TYW1B: variants seen among roughly 807,000 people sequenced by gnomAD.
The protein encoded by TYW1B is S-adenosyl-L-methionine-dependent tRNA 4-demethylwyosine synthase TYW1B.
A neutral mutation model predicts 86.9 loss-of-function variants in TYW1B; 73 were observed. The observed-to-expected ratio is 0.84, with a 90% confidence interval of 0.70 to 1.02. The LOEUF is 1.02. Ranked by LOEUF, TYW1B falls within the 50% of genes least tolerant of loss-of-function variation. The pLI is 0.00. For synonymous variants in TYW1B, 248 were observed against 292.8 expected (o/e 0.85, Z 1.56); for missense variants, 637 against 827.4 (o/e 0.77, Z 2.82).
At chr7:72,618,212 G>A (rs1287113186) in intron 12 of TYW1B, among the ~76,000 whole-genome samples, 2 of 146,748 alleles carry the variant, frequency 1.4e-5, no homozygotes, top group Non-Finnish European at 3.0e-5. Flanking sequence ...ATTGGAGAAT[G>A]CAGAATGACA....
At chr7:72,769,357 A>G (rs1358650570) in intron 7 of TYW1B, among the ~76,000 whole-genome samples, 5 of 152,228 alleles carry the variant, frequency 3.3e-5, no homozygotes, top group Non-Finnish European at 7.3e-5. Flanking sequence ...ATAAGCTGAC[A>G]TGTGAAAATG....
At chr7:72,740,126 A>G (rs1787275722) in intron 8 of TYW1B, among the ~76,000 whole-genome samples, 2 of 151,470 alleles carry the variant, frequency 1.3e-5, no homozygotes, top group South Asian at 2.1e-4. Flanking sequence ...CCAGCTACTC[A>G]GGAGGCTGAG....
intron 8 of TYW1B, among the ~76,000 whole-genome samples, chr7:72,733,206 C>T (rs1787143428): frequency 6.8e-6 from 1 of 146,896 alleles, no homozygotes; most frequent in Non-Finnish European, 1.5e-5. Context: ...ACACCTCTCA[C>T]ACTAATACTT....
At chr7:72,783,353 A>G (rs1162723028) in intron 6 of TYW1B, among the ~76,000 whole-genome samples, 33 of 146,560 alleles carry the variant, frequency 2.3e-4, no homozygotes, top group Non-Finnish European at 3.9e-4. Context: ...AGCCAAGATC[A>G]CACCTGGGCA....
At chr7:72,806,057 C>G (rs1788488340) in intron 5 of TYW1B, among the ~76,000 whole-genome samples, 1 of 151,862 alleles carries the variant, frequency 6.6e-6, no homozygotes, top group Non-Finnish European at 1.5e-5. Context: ...GTTTGAGTGA[C>G]TAATGGAGTC....
chr7:72,748,268 CA>C (rs1169531590), intron 7 of TYW1B, among the ~76,000 whole-genome samples: 41 of 145,606 alleles, frequency 2.8e-4, no homozygotes, highest in African/African-American at 3.8e-4. Flanking sequence ...GACTCCGCCT[CA>C]AAAAAAAAAA....
At chr7:72,633,382 G>A (rs1812588586) in intron 11 of TYW1B, among the ~76,000 whole-genome samples, 1 of 152,198 alleles carries the variant, frequency 6.6e-6, no homozygotes, top group Admixed American at 6.5e-5. Flanking sequence ...ACCCTCCCAA[G>A]CTAAGCCCCA....
At chr7:72,608,340 T>C (rs1373297262) in intron 13 of TYW1B, among the ~76,000 whole-genome samples, 4 of 152,206 alleles carry the variant, frequency 2.6e-5, no homozygotes, top group Non-Finnish European at 4.4e-5. Context: ...AAAATTGTAA[T>C]ATGATGCCAT....
chr7:72,614,524 T>A (rs1214573578), intron 13 of TYW1B, among the ~76,000 whole-genome samples: 1 of 151,830 alleles, frequency 6.6e-6, no homozygotes, highest in Non-Finnish European at 1.5e-5. Flanking sequence ...TCCCAGCTAC[T>A]CAGGAGGCTA....
chr7:72,701,644 T>C (rs1554452580), intron 10 of TYW1B, among the ~76,000 whole-genome samples: 1 of 152,186 alleles, frequency 6.6e-6, no homozygotes, highest in African/African-American at 2.4e-5. Context: ...TTGGTTACTT[T>C]GGTTTTGGGC....
intron 13 of TYW1B, among the ~76,000 whole-genome samples, chr7:72,581,438 T>C (rs1811148405): frequency 6.6e-6 from 1 of 152,146 alleles, no homozygotes; most frequent in South Asian, 2.1e-4. Context: ...ATAAGGGTGC[T>C]CTTTATTTTT....
chr7:72,688,318 G>T (rs1441961691), intron 11 of TYW1B, among the ~76,000 whole-genome samples: 1 of 152,142 alleles, frequency 6.6e-6, no homozygotes, highest in Non-Finnish European at 1.5e-5. Context: ...CAAAAGGTCA[G>T]TATTCATTAC....
intron 7 of TYW1B, among the ~76,000 whole-genome samples, chr7:72,755,422 T>C (rs767325830): frequency 1.3e-5 from 2 of 152,052 alleles, no homozygotes; most frequent in Non-Finnish European, 1.5e-5. Context: ...ATGCCTGTAA[T>C]CCCAGCACTT....
At chr7:72,599,950 A>C in intron 13 of TYW1B, among the ~76,000 whole-genome samples, 1 of 152,182 alleles carries the variant, frequency 6.6e-6, no homozygotes, top group East Asian at 1.9e-4. Flanking sequence ...AGTTTTTCCC[A>C]ACTGTGTTTG....
intron 3 of TYW1B, among the ~76,000 whole-genome samples, chr7:72,813,119 C>G (rs2129572760): frequency 6.6e-6 from 1 of 151,652 alleles, no homozygotes; most frequent in Non-Finnish European, 1.5e-5. Flanking sequence ...GGTGAAGATA[C>G]TACCTGGCCC....
At chr7:72,613,865 G>A (rs535651707) in intron 13 of TYW1B, among the ~76,000 whole-genome samples, 4 of 152,214 alleles carry the variant, frequency 2.6e-5, no homozygotes, top group Non-Finnish European at 5.9e-5. Context: ...TTTTGAAGTT[G>A]ATAACTGTAT....
At chr7:72,774,283 A>G (rs1247301182) in intron 7 of TYW1B, among the ~76,000 whole-genome samples, 1 of 150,646 alleles carries the variant, frequency 6.6e-6, no homozygotes. Flanking sequence ...AAGAATAATT[A>G]GCCCTATACT....
chr7:72,642,661 G>C (rs1294803402), intron 11 of TYW1B, among the ~76,000 whole-genome samples: 4 of 152,234 alleles, frequency 2.6e-5, no homozygotes, highest in Non-Finnish European at 5.9e-5. Flanking sequence ...CCAGCACTTT[G>C]GGAGGCCAAG....
At chr7:72,580,227 A>C (rs1368043185) in intron 13 of TYW1B, among the ~76,000 whole-genome samples, 2 of 152,178 alleles carry the variant, frequency 1.3e-5, no homozygotes, top group Non-Finnish European at 2.9e-5. Flanking sequence ...ATCATACTGA[A>C]TAATCACAGC....
Sources: allele counts gnomAD v4.1 joint callset (sites outside exome capture counted in the v4.1 genomes callset), GRCh38; gene constraint gnomAD v4.1.1; transcripts MANE v1.5; gene names NCBI Gene and HGNC (gene_info 2026-07-23, HGNC 2026-07-21).